Variants in PRKCH observed in about 807,000 individuals in gnomAD.
PRKCH encodes the protein protein kinase C eta type.
PRKCH carries 28 observed loss-of-function variants against 82.5 expected under a neutral mutation model. That is an observed-to-expected ratio of 0.34 (90% CI 0.25 to 0.47). The LOEUF (loss-of-function observed/expected upper bound fraction) is 0.47, where lower values mean the gene tolerates loss of function less well. Among genes scored for constraint, PRKCH ranks in the 20% least tolerant of loss-of-function variants. PRKCH has a pLI of 1.00. For missense variants in PRKCH, 705 were observed against 881.8 expected (o/e 0.80, Z 2.54); for synonymous variants, 322 against 327.4 (o/e 0.98, Z 0.18).
chr14:61,307,555 A>T (rs536816623), intron 1 of PRKCH, among the ~76,000 whole-genome samples: 1 of 152,348 alleles, frequency 6.6e-6, no homozygotes, highest in South Asian at 2.1e-4. Flanking sequence ...GTGTAATAAA[A>T]AACATGCAGA....
At position 61,280,290 on chromosome 14, in the gene PRKCH, G is replaced by A. The variant is rs2045245455; in HGVS notation, c.-19+92622G>A. 1.2e-6 allele frequency: 2 copies of A among 1,613,990 alleles called. No individual in the cohort carries two copies. Among genetic ancestry groups the A allele is most frequent in the Non-Finnish European group, 1.7e-6 (2 of 1,179,996 alleles). ...CGCGCACCGGGTAGTTGTAGGTGAT[G>A]TTGACGCGGTAGGCGCCCCGCGGCA... On this transcript the variant is annotated intron_variant, in intron 1 of 3. Transcript: ENST00000555185. This position sits in a 1 kb window ranked among gnomAD's most constrained non-coding sequence, Gnocchi z 5.0.
At chr14:61,210,774 C>CTGTGTG (rs879725488) in intron 1 of PRKCH, among the ~76,000 whole-genome samples, 2 of 110,926 alleles carry the variant, frequency 1.8e-5, no homozygotes, top group East Asian at 5.6e-4. Flanking sequence ...CTCTCTCTCT[C>CTGTGTG]TCTCTCTCTC....
intron 10 of PRKCH, among the ~76,000 whole-genome samples, chr14:61,524,420 A>G (rs1295734798): frequency 6.6e-6 from 1 of 152,232 alleles, no homozygotes; most frequent in Non-Finnish European, 1.5e-5. Flanking sequence ...TCAATGAGCT[A>G]ATGAATGGCA....
At chr14:61,336,466 C>A (rs1403938140) in intron 1 of PRKCH, among the ~76,000 whole-genome samples, 1 of 152,190 alleles carries the variant, frequency 6.6e-6, no homozygotes, top group Admixed American at 6.5e-5. Flanking sequence ...AAAGTTGGTT[C>A]ATGGAAACCT....
intron 1 of PRKCH, among the ~76,000 whole-genome samples, chr14:61,199,405 TA>T (rs2044462909): frequency 2.0e-5 from 3 of 152,350 alleles, no homozygotes; most frequent in Admixed American, 2.0e-4. Flanking sequence ...CTGGAGAGGC[TA>T]AAAATTCTAA....
intron 1 of PRKCH, among the ~76,000 whole-genome samples, chr14:61,316,186 C>T (rs1266569062): frequency 6.6e-6 from 1 of 152,152 alleles, no homozygotes; most frequent in African/African-American, 2.4e-5. Flanking sequence ...ACTCATTTTA[C>T]TTTGAAACTT....
At chr14:61,299,279 G>T (rs1275664149) in intron 1 of PRKCH, among the ~76,000 whole-genome samples, 1 of 152,132 alleles carries the variant, frequency 6.6e-6, no homozygotes, top group Admixed American at 6.5e-5. Context: ...GCCAGTGCCT[G>T]GGAGGGGCTG....
intron 12 of PRKCH, chr14:61,544,469 A>G (rs1037697031): frequency 6.6e-6 from 1 of 152,220 alleles, no homozygotes; most frequent in Non-Finnish European, 1.5e-5. Flanking sequence ...TATCAGTTCT[A>G]GTCTGTCTCT....
chr14:61,318,719 T>A (rs1412867040), upstream of PRKCH, among the ~76,000 whole-genome samples: 1 of 152,156 alleles, frequency 6.6e-6, no homozygotes, highest in Non-Finnish European at 1.5e-5. Context: ...TTCTCACCTC[T>A]GGACTTTGGC....
intron 10 of PRKCH, 74 bp from the exon 11 acceptor site, chr14:61,529,001 T>C: frequency 6.9e-7 from 1 of 1,440,114 alleles, no homozygotes; most frequent in Non-Finnish European, 9.5e-7. Flanking sequence ...TGTGTGTGTG[T>C]GTGTGCCCAT....
chr14:61,490,765 T>A (rs1488904534), intron 10 of PRKCH, among the ~76,000 whole-genome samples: 1 of 151,984 alleles, frequency 6.6e-6, no homozygotes, highest in Non-Finnish European at 1.5e-5. Context: ...AATACAAAAA[T>A]TAGGTGGGCA....
intron 1 of PRKCH, among the ~76,000 whole-genome samples, chr14:61,334,903 T>C (rs1452303477): frequency 6.6e-6 from 1 of 152,102 alleles, no homozygotes; most frequent in East Asian, 1.9e-4. Context: ...GGGCTCGCCA[T>C]GTTACCCAGG....
At chr14:61,381,018 AG>A (rs1180175366) in intron 1 of PRKCH, among the ~76,000 whole-genome samples, 3 of 152,186 alleles carry the variant, frequency 2.0e-5, no homozygotes, top group African/African-American at 7.2e-5. Context: ...GCGAGCCATA[AG>A]GATGTATTTT....
At chr14:61,473,235 G>A (rs1033887615) in intron 9 of PRKCH, among the ~76,000 whole-genome samples, 2 of 152,174 alleles carry the variant, frequency 1.3e-5, no homozygotes, top group Non-Finnish European at 2.9e-5. Context: ...GGCGGCGGGG[G>A]TAGGGGGGTG....
intron 2 of PRKCH, among the ~76,000 whole-genome samples, chr14:61,420,549 A>G (rs1290700377): frequency 1.3e-5 from 2 of 152,166 alleles, no homozygotes; most frequent in African/African-American, 4.8e-5. Flanking sequence ...TCCACAGCTC[A>G]AGTGCAGTGT....
chr14:61,258,896 A>G (rs1379939177), intron 1 of PRKCH, among the ~76,000 whole-genome samples: 1 of 152,240 alleles, frequency 6.6e-6, no homozygotes, highest in South Asian at 2.1e-4. Context: ...ATTTTTTAAC[A>G]TATTGGAATG....
intron 1 of PRKCH, among the ~76,000 whole-genome samples, chr14:61,338,062 G>A (rs1329641579): frequency 3.3e-5 from 5 of 152,130 alleles, no homozygotes; most frequent in Non-Finnish European, 7.3e-5. Context: ...TTGCTGGGGC[G>A]CTGCTGTTGC....
At chr14:61,535,627 A>C (rs1015586582) in intron 12 of PRKCH, among the ~76,000 whole-genome samples, 3 of 152,242 alleles carry the variant, frequency 2.0e-5, no homozygotes, top group African/African-American at 7.2e-5. Context: ...AGGACATCCT[A>C]GGTCACGCGA....
intron 1 of PRKCH, among the ~76,000 whole-genome samples, chr14:61,291,226 A>AAT (rs1322148914): frequency 1.3e-5 from 2 of 152,266 alleles, no homozygotes; most frequent in East Asian, 3.9e-4. Context: ...TAAGTTTTAA[A>AAT]ATATATATAA....
Sources: allele counts gnomAD v4.1 joint callset (sites outside exome capture counted in the v4.1 genomes callset), GRCh38; gene constraint gnomAD v4.1.1; non-coding constraint Gnocchi (gnomAD v3.1); transcripts MANE v1.5; gene names NCBI Gene and HGNC (gene_info 2026-07-23, HGNC 2026-07-21).